Variants in DDC observed in about 807,000 individuals in gnomAD.
DDC encodes aromatic-L-amino-acid decarboxylase.
Under a neutral mutation model 60.0 loss-of-function variants are expected in DDC, and 43 were observed. The ratio of observed to expected loss-of-function variants is 0.72; its 90% CI spans 0.56 to 0.92. The LOEUF (loss-of-function observed/expected upper bound fraction) is 0.92, where lower values mean the gene tolerates loss of function less well. DDC is among the 40% of genes least tolerant of loss of function. The pLI, the probability that DDC is intolerant of heterozygous loss-of-function variation, is 0.00. For missense variants in DDC, 573 were observed against 620.2 expected (o/e 0.92, Z 0.81); for synonymous variants, 232 against 234.6 (o/e 0.99, Z 0.10).
intron 7 of DDC, among the ~76,000 whole-genome samples, chr7:50,502,207 C>A (rs551211765): frequency 6.6e-6 from 1 of 152,294 alleles, no homozygotes; most frequent in East Asian, 1.9e-4. Context: ...TCAAACCAAA[C>A]AAATCATAAA....
At chr7:50,546,393 G>A (rs1322595613) in intron 1 of DDC, among the ~76,000 whole-genome samples, 1 of 152,196 alleles carries the variant, frequency 6.6e-6, no homozygotes, top group Non-Finnish European at 1.5e-5. Flanking sequence ...AGGTGAGAGG[G>A]TCCCTGGGTG....
chr7:50,466,018 G>A (rs11768997), intron 13 of DDC, among the ~76,000 whole-genome samples: 2,873 of 152,174 alleles, frequency 0.019, 64 homozygotes, highest in East Asian at 0.081. Context: ...GCTCCTCCTC[G>A]CCTCAGAGCT....
intron 6 of DDC, among the ~76,000 whole-genome samples, chr7:50,526,874 A>G (rs761286538): frequency 2.6e-5 from 4 of 152,208 alleles, no homozygotes; most frequent in African/African-American, 4.8e-5. Flanking sequence ...AGAGATATAA[A>G]GGGCATCTCC....
chr7:50,549,004 C>T lies in DDC; in HGVS notation c.-28-4891G>A, dbSNP rs145908000. On this transcript the variant is annotated intron_variant, in intron 1 of 14. Coordinates refer to ENST00000444124, the MANE Select transcript of DDC (RefSeq NM_001082971.2). ...CTCTTCCTGTGCTTTATAAATGGAACAACAAAGCCTGGATGACAGCACATC... is the reference window on the plus strand; with the variant it reads ...CTCTTCCTGTGCTTTATAAATGGAATAACAAAGCCTGGATGACAGCACATC... Among the ~76,000 whole-genome samples, 300 of 152,298 alleles carry T rather than the reference C, an allele frequency of 2.0e-3. 1 individual carries two copies. The highest frequency in any genetic ancestry group is 7.0e-3 in the African/African-American group (289 of 41,562).
chr7:50,481,545 A>T (rs552227363), intron 9 of DDC, among the ~76,000 whole-genome samples: 95 of 152,290 alleles, frequency 6.2e-4, no homozygotes, highest in African/African-American at 2.3e-3. Flanking sequence ...TTTTTAATTT[A>T]AAAAATTTTG....
intron 12 of DDC, 82 bp from the exon 13 acceptor site, chr7:50,467,397 G>GC: frequency 8.8e-7 from 1 of 1,137,714 alleles, no homozygotes; most frequent in Non-Finnish European, 1.3e-6. Flanking sequence ...TTATTAGACT[G>GC]CCCATGTATA....
intron 14 of DDC, among the ~76,000 whole-genome samples, chr7:50,462,399 G>A (rs1203078261): frequency 6.6e-6 from 1 of 152,090 alleles, no homozygotes; most frequent in East Asian, 1.9e-4. Flanking sequence ...TAAAATGTGT[G>A]CTTTGTTTTT....
At chr7:50,528,048 C>T (rs2044087631) in intron 6 of DDC, 89 bp downstream of exon 6, 4 of 1,473,584 alleles carry the variant, frequency 2.7e-6, no homozygotes, top group Middle Eastern at 2.4e-4. Flanking sequence ...AAGAATGCGC[C>T]ACCATGCCCG....
At chr7:50,477,127 G>A (rs2042663975) in intron 10 of DDC, among the ~76,000 whole-genome samples, 1 of 152,184 alleles carries the variant, frequency 6.6e-6, no homozygotes, top group South Asian at 2.1e-4. Context: ...CTGGGACAGA[G>A]CAGACACTCA....
chr7:50,509,708 A>T (rs1210445702), intron 6 of DDC, among the ~76,000 whole-genome samples: 4 of 152,234 alleles, frequency 2.6e-5, no homozygotes, highest in Admixed American at 1.3e-4. Flanking sequence ...ATTACTTGGC[A>T]CTTCCAGCAA....
chr7:50,531,016 A>G (rs1426562306), intron 4 of DDC, among the ~76,000 whole-genome samples: 1 of 152,222 alleles, frequency 6.6e-6, no homozygotes, highest in East Asian at 1.9e-4. Flanking sequence ...AAATACATTT[A>G]TTCATGTTTC....
intron 7 of DDC, 75 bp downstream of exon 7, chr7:50,503,918 T>C: frequency 4.8e-6 from 5 of 1,033,190 alleles, no homozygotes; most frequent in Non-Finnish European, 7.7e-6. Flanking sequence ...AAGAAAGAGA[T>C]CAACGAGGAA....
chr7:50,520,324 G>A (rs2043856342), intron 6 of DDC, among the ~76,000 whole-genome samples: 2 of 152,066 alleles, frequency 1.3e-5, no homozygotes, highest in Non-Finnish European at 2.9e-5. Context: ...ATTATACAAA[G>A]TATGCTCTCA....
intron 6 of DDC, among the ~76,000 whole-genome samples, chr7:50,515,147 A>G (rs2043693019): frequency 6.6e-6 from 1 of 152,230 alleles, no homozygotes; most frequent in African/African-American, 2.4e-5. Flanking sequence ...GAATCTTAAA[A>G]GCTGTGAGAC....
chr7:50,492,512 G>A (rs1443410348), intron 9 of DDC: 1 of 186,252 alleles, frequency 5.4e-6, no homozygotes, highest in Non-Finnish European at 1.1e-5. Context: ...AGCCTTTCAA[G>A]CCCATAGGAA....
At chr7:50,493,644 T>G (rs1341661635) in intron 9 of DDC, among the ~76,000 whole-genome samples, 1 of 152,102 alleles carries the variant, frequency 6.6e-6, no homozygotes, top group Non-Finnish European at 1.5e-5. Flanking sequence ...AAAAGAATAC[T>G]CACATTCATA....
chr7:50,463,452 G>C (rs940564995), intron 13 of DDC, 21 bp from the exon 14 acceptor site: 2 of 1,608,438 alleles, frequency 1.2e-6, no homozygotes, highest in Non-Finnish European at 1.7e-6. Context: ...TGAAAGAGAG[G>C]AACTGTGCTC....
chr7:50,513,413 T>C (rs1278643531), intron 6 of DDC, among the ~76,000 whole-genome samples: 1 of 152,086 alleles, frequency 6.6e-6, no homozygotes, highest in Non-Finnish European at 1.5e-5. Flanking sequence ...TGGGTAAAAC[T>C]TCACAGGGAG....
At chr7:50,501,228 C>T (rs556913342) in intron 7 of DDC, among the ~76,000 whole-genome samples, 9 of 152,318 alleles carry the variant, frequency 5.9e-5, no homozygotes, top group South Asian at 2.1e-4. Flanking sequence ...TCCAGCTGCA[C>T]GTCCTCTCTC....
Sources: allele counts gnomAD v4.1 joint callset (sites outside exome capture counted in the v4.1 genomes callset), GRCh38; gene constraint gnomAD v4.1.1; transcripts MANE v1.5; gene names NCBI Gene and HGNC (gene_info 2026-07-23, HGNC 2026-07-21).